The following LMNTD1 variants were observed in gnomAD, a reference collection of about 807,000 sequenced individuals.
The protein encoded by LMNTD1 is lamin tail domain containing 1.
In LMNTD1, 35 loss-of-function variants were observed where a neutral mutation model predicts 50.9. That is an observed-to-expected ratio of 0.69 (90% CI 0.53 to 0.91). The LOEUF (loss-of-function observed/expected upper bound fraction) is 0.91. LMNTD1 is among the 40% of genes least tolerant of loss of function. The probability of loss-of-function intolerance (pLI) is 0.00; values close to 1 mark genes in which losing one functional copy is unlikely to be tolerated. For synonymous variants in LMNTD1, 153 were observed against 161.9 expected, an observed-to-expected ratio of 0.94 and a Z score of 0.42; for missense variants, 470 against 475.5, an observed-to-expected ratio of 0.99 and a Z score of 0.11.
intron 1 of LMNTD1, among the ~76,000 whole-genome samples, chr12:25,631,428 C>G (rs1164026847): frequency 3.3e-5 from 5 of 152,190 alleles, no homozygotes; most frequent in Admixed American, 3.3e-4. Context: ...AGAACAAGCA[C>G]TGGTATCCAC....
chr12:25,628,684 C>G (rs114003646), intron 1 of LMNTD1, among the ~76,000 whole-genome samples: 1 of 152,098 alleles, frequency 6.6e-6, no homozygotes, highest in Non-Finnish European at 1.5e-5. Flanking sequence ...GAAGGCCATG[C>G]GACAATGAAG....
chr12:25,607,394 C>G (rs1946136989), intron 1 of LMNTD1, among the ~76,000 whole-genome samples: 1 of 152,048 alleles, frequency 6.6e-6, no homozygotes, highest in East Asian at 1.9e-4. Context: ...TTTGTTTGCT[C>G]TTGCTTCTCT....
Position 25,591,811 on chromosome 12 carries a change from CAGAGAGAGAGAGAGAGAGAGAGAGAGAG to C in LMNTD1, c.59-45285_59-45258del, listed in dbSNP as rs58392351. 8.4e-4 allele frequency among the ~76,000 whole-genome samples: 76 copies of C among 90,088 alleles called. 1 individual carries two copies. Among genetic ancestry groups the C allele is most frequent in the Middle Eastern group, 7.8e-3 (1 of 128 alleles). The allele number at this position is 90,088 out of a possible 152,430, so 59.1% of individuals were successfully genotyped here. ...ACCTCCAGCTCCTAATAGCTCAGAA[CAGAGAGAGAGAGAGAGAGAGAGAGAGAG>C]AGAGAGAGAGAGAGAGAGACTCTAT... On this transcript the variant is annotated intron_variant, in intron 1 of 7. Transcript: ENST00000445693.
chr12:25,535,998 T>C (rs1171561381), intron 4 of LMNTD1, among the ~76,000 whole-genome samples: 2 of 137,674 alleles, frequency 1.5e-5, no homozygotes, highest in Non-Finnish European at 3.2e-5. Context: ...CATTTCATAA[T>C]GATACAAGGA....
intron 9 of LMNTD1, among the ~76,000 whole-genome samples, chr12:25,484,954 G>T (rs1938573779): frequency 6.6e-6 from 1 of 151,728 alleles, no homozygotes; most frequent in Non-Finnish European, 1.5e-5. Flanking sequence ...GAATAATGCT[G>T]CAATAAACAT....
At chr12:25,575,861 C>A (rs1185009444) in intron 1 of LMNTD1, among the ~76,000 whole-genome samples, 1 of 152,092 alleles carries the variant, frequency 6.6e-6, no homozygotes, top group South Asian at 2.1e-4. Context: ...ATGACAGGCC[C>A]CAGTGTGTGT....
chr12:25,606,744 T>C (rs540536673), intron 1 of LMNTD1, among the ~76,000 whole-genome samples: 39 of 152,364 alleles, frequency 2.6e-4, no homozygotes, highest in East Asian at 5.8e-4. Context: ...CAGTATTTTA[T>C]TGAGGATTTT....
rs1165864957 is a variant in LMNTD1 at position 25,552,964 on chromosome 12, G to T, written c.-5C>A. 3.1e-6 allele frequency: 5 copies of T among 1,595,502 alleles called. No individual in the cohort carries two copies. The highest frequency in any genetic ancestry group is 4.6e-5 in the East Asian group (2 of 43,928). On this transcript the variant is annotated 5_prime_UTR_variant, in exon 2 of 10. Coordinates refer to ENST00000458174, the MANE Select transcript of LMNTD1 (RefSeq NM_001145728.2). The stretch of plus-strand genomic sequence containing the variant: ...AATGTCTTGTGTATCTTTCATCTTG[G>T]CTAGAAAAGAAGTCTCTTTTCTTTC...
chr12:25,591,210 C>T (rs756569452), intron 1 of LMNTD1, among the ~76,000 whole-genome samples: 8 of 146,202 alleles, frequency 5.5e-5, no homozygotes, highest in Non-Finnish European at 7.8e-5. Flanking sequence ...TCCTTGTTTT[C>T]TTCCCTTACT....
chr12:25,534,062 A>G (rs1264594146), intron 4 of LMNTD1, among the ~76,000 whole-genome samples: 1 of 152,208 alleles, frequency 6.6e-6, no homozygotes, highest in East Asian at 1.9e-4. Flanking sequence ...CTAAACTTGA[A>G]GCCAAGGTAA....
chr12:25,542,649 T>C (rs1417399751), intron 4 of LMNTD1, among the ~76,000 whole-genome samples: 1 of 151,014 alleles, frequency 6.6e-6, no homozygotes, highest in African/African-American at 2.4e-5. Flanking sequence ...TGCAGCACAC[T>C]AGCATGGCAT....
chr12:25,491,177 T>C (rs998746011), intron 9 of LMNTD1, among the ~76,000 whole-genome samples: 3 of 152,226 alleles, frequency 2.0e-5, no homozygotes, highest in Admixed American at 2.0e-4. Flanking sequence ...CTTTTTTCTA[T>C]AAAATAATTA....
chr12:25,500,929 A>ATTAAAT (rs1939351189), intron 9 of LMNTD1, among the ~76,000 whole-genome samples: 1 of 152,144 alleles, frequency 6.6e-6, no homozygotes, highest in Non-Finnish European at 1.5e-5. Flanking sequence ...CAGTTGTTGC[A>ATTAAAT]CAGAAATGTA....
In LMNTD1 at chr12:25,523,846, G is replaced by A. The variant is rs575244983; in HGVS notation, c.798+2253C>T. Among the ~76,000 whole-genome samples, 4 of 150,726 alleles carry A rather than the reference G, an allele frequency of 2.7e-5. No homozygotes were observed. The South Asian group carries it at 8.4e-4, about 32-fold the overall frequency. On this transcript the variant is annotated intron_variant, in intron 6 of 9. Transcript: ENST00000458174. ...AAAAAAAAAAAAAAAAGCTTGAGCT[G>A]AGTTCTGAAGGGCAGGTAGGATTTA...
At chr12:25,608,517 A>G (rs1474267454) in intron 1 of LMNTD1, among the ~76,000 whole-genome samples, 1 of 152,124 alleles carries the variant, frequency 6.6e-6, no homozygotes, top group Non-Finnish European at 1.5e-5. Flanking sequence ...AGCTCTTGTA[A>G]GGCAGGCCTG....
At chr12:25,549,618 GC>G in intron 2 of LMNTD1, 72 bp from the exon 3 acceptor site, 2 of 791,388 alleles carry the variant, frequency 2.5e-6, no homozygotes, top group Non-Finnish European at 3.8e-6. Context: ...AGAAGCATGG[GC>G]TATTATTATT....
At chr12:25,506,072 T>A (rs749353918) in intron 8 of LMNTD1, among the ~76,000 whole-genome samples, 10 of 152,320 alleles carry the variant, frequency 6.6e-5, no homozygotes, top group Non-Finnish European at 1.3e-4. Flanking sequence ...TATACTTTGA[T>A]CCTAAGACAG....
chr12:25,613,602 A>T (rs1946292865), intron 1 of LMNTD1, among the ~76,000 whole-genome samples: 1 of 152,198 alleles, frequency 6.6e-6, no homozygotes, highest in South Asian at 2.1e-4. Context: ...GATAATTAAC[A>T]TTGTAGTGCA....
chr12:25,568,156 AG>A (rs1381225884), intron 1 of LMNTD1, among the ~76,000 whole-genome samples: 3 of 152,230 alleles, frequency 2.0e-5, no homozygotes, highest in African/African-American at 7.2e-5. Context: ...ACTGGAGCAA[AG>A]GTCACCTTTG....
Sources: gnomAD v4.1 joint callset for allele counts (sites outside exome capture counted in the v4.1 genomes callset) on GRCh38, gnomAD v4.1.1 for gene constraint, MANE v1.5 for transcripts, NCBI Gene and HGNC (gene_info 2026-07-23, HGNC 2026-07-21) for gene names.